The following ADAMTS10 variants were observed in gnomAD, a reference collection of about 807,000 sequenced individuals.
The protein encoded by ADAMTS10 is A disintegrin and metalloproteinase with thrombospondin motifs 10.
In ADAMTS10, 48 loss-of-function variants were observed where a neutral mutation model predicts 135.9. The ratio of observed to expected loss-of-function variants is 0.35; its 90% CI spans 0.28 to 0.45. ADAMTS10 has a LOEUF of 0.45. Among genes scored for constraint, ADAMTS10 ranks in the 20% least tolerant of loss-of-function variants. ADAMTS10 has a pLI of 1.00. For missense variants in ADAMTS10, 1,131 were observed against 1,565.2 expected, an observed-to-expected ratio of 0.72 and a Z score of 4.68; for synonymous variants, 621 against 647.5, an observed-to-expected ratio of 0.96 and a Z score of 0.62.
rs539839735 is a variant in ADAMTS10 at position 8,590,394 on chromosome 19, C to T, written c.1798-403G>A. Reference sequence around the variant, plus strand: ...GTTCAAGCAATTCTTCTGCCTCAGCCTCCCGAGTAGCTGGGATTACAGGTG... The same window carrying T: ...GTTCAAGCAATTCTTCTGCCTCAGCTTCCCGAGTAGCTGGGATTACAGGTG... On this transcript the variant is annotated intron_variant, in intron 15 of 25. Coordinates refer to ENST00000597188, the MANE Select transcript of ADAMTS10 (RefSeq NM_030957.4). 6.6e-5 allele frequency among the ~76,000 whole-genome samples: 10 copies of T among 152,296 alleles called. No individual in the cohort carries two copies. In the East Asian group the frequency reaches 1.3e-3, roughly 21 times the overall value.
Position 8,601,022 on chromosome 19 carries a change from C to G in ADAMTS10, c.716G>C (p.Arg239Pro). The G allele has an allele frequency of 6.2e-7, 1 of 1,614,162 alleles. No individual in the cohort carries two copies. The highest frequency in any genetic ancestry group is 8.5e-7 in the Non-Finnish European group (1 of 1,180,044). ...PGLKRSVSRE[R>P]YVETLVVADK... Reference sequence around the variant, plus strand: ...AGCCACCACCAGGGTCTCCACGTAGCGCTCTCGGCTGACCGATCGCTTCAG... The same window carrying G: ...AGCCACCACCAGGGTCTCCACGTAGGGCTCTCGGCTGACCGATCGCTTCAG... The change falls in exon 6 of 26, where the codon CGC becomes CCC. Residue 239 changes from arginine (R) to proline (P), a missense_variant. This residue lies in a region of ADAMTS10 where 306 missense variants were observed against 344.4 expected (regional missense o/e 0.89). Coordinates refer to ENST00000597188, the MANE Select transcript of ADAMTS10 (RefSeq NM_030957.4). This position sits in a 1 kb window ranked among gnomAD's most constrained non-coding sequence, Gnocchi z 4.6.
rs552732352 is a variant in ADAMTS10 at position 8,585,321 on chromosome 19, G to A, written c.2866-13C>T. 14 of 1,532,748 alleles carry A rather than the reference G, an allele frequency of 9.1e-6. No individual in the cohort carries two copies. Among genetic ancestry groups the A allele is most frequent in the African/African-American group, 5.4e-5 (4 of 73,550 alleles). 94.9% of individuals were successfully genotyped at this position (1,532,748 alleles called of 1,614,324 possible). A position where few individuals can be genotyped will look rare whatever the true frequency, so the allele number is the denominator to read the frequency against. The stretch of plus-strand genomic sequence containing the variant: ...AGCTGGGGGTGCACTGCAGTTGGAA[G>A]GGGCGTTTCGTGCTCAGGGTGCTGC... On this transcript the variant is annotated splice_polypyrimidine_tract_variant and intron_variant, in intron 23 of 25. Transcript: ENST00000597188.
Position 8,591,955 on chromosome 19 carries a change from G to A in ADAMTS10, c.1733+3C>T. ...CTCCCGGGTGGGGGTCCTGAGGGCT[G>A]ACCTGGGGCTGTCGCAGTGACGGCT... On this transcript the variant is annotated splice_donor_region_variant and intron_variant, in intron 14 of 25. Transcript: ENST00000597188. 1 of 1,613,040 alleles carries A rather than the reference G, an allele frequency of 6.2e-7. No individual in the cohort carries two copies. Among genetic ancestry groups the A allele is most frequent in the South Asian group, 1.1e-5 (1 of 91,048 alleles).
At chr19:8,583,122 C>T (rs1361308308) in intron 25 of ADAMTS10, among the ~76,000 whole-genome samples, 2 of 152,094 alleles carry the variant, frequency 1.3e-5, no homozygotes, top group Non-Finnish European at 2.9e-5. Context: ...TCTGGGGCAC[C>T]CCTCAAGTGA....
chr19:8,595,698 T>TACCGAC, intron 12 of ADAMTS10, 64 bp downstream of exon 12: 1 of 1,291,948 alleles, frequency 7.7e-7, no homozygotes, highest in Non-Finnish European at 1.1e-6. Flanking sequence ...CTGGTGGAGT[T>TACCGAC]CCCTCCCCCA....
At chr19:8,597,199 G>T (rs782509359) in intron 7 of ADAMTS10, 35 bp downstream of exon 7, 5 of 1,614,036 alleles carry the variant, frequency 3.1e-6, no homozygotes, top group Non-Finnish European at 3.4e-6. Flanking sequence ...ATGCTGGTAT[G>T]AAGGGGAAGG....
At chr19:8,581,765 G>A (rs1299357195) in intron 25 of ADAMTS10, among the ~76,000 whole-genome samples, 2 of 151,666 alleles carry the variant, frequency 1.3e-5, no homozygotes, top group African/African-American at 4.8e-5. Context: ...AACCCGGGAG[G>A]CAGAGGTTTC....
intron 1 of ADAMTS10, 165 bp from the exon 2 acceptor site, chr19:8,608,413 A>C (rs962671176): frequency 2.0e-5 from 3 of 152,008 alleles, no homozygotes; most frequent in African/African-American, 7.3e-5. Context: ...CCTCCAACAA[A>C]AACCCACCTC....
At chr19:8,595,346 G>A (rs2042589951) in intron 12 of ADAMTS10, among the ~76,000 whole-genome samples, 1 of 152,176 alleles carries the variant, frequency 6.6e-6, no homozygotes, top group Non-Finnish European at 1.5e-5. Flanking sequence ...GGAAGGTTCT[G>A]TCTAGTTCTT....
In ADAMTS10 at chr19:8,604,447, AATTATAT is replaced by A. The variant is rs1445726838; in HGVS notation, c.435+558_435+564del. Among the ~76,000 whole-genome samples, 4 of 147,712 alleles carry A rather than the reference AATTATAT, an allele frequency of 2.7e-5. No homozygotes were observed. The East Asian group carries it at 7.8e-4, about 29-fold the overall frequency. ...TGTATACATACACATACACATATAT[AATTATAT>A]ATTATATATATTTATAAATATAAAA... On this transcript the variant is annotated intron_variant, in intron 4 of 25. Transcript: ENST00000597188.
At chr19:8,590,242 G>T (rs1277293804) in intron 15 of ADAMTS10, among the ~76,000 whole-genome samples, 4 of 152,000 alleles carry the variant, frequency 2.6e-5, no homozygotes, top group Non-Finnish European at 5.9e-5. Flanking sequence ...CTGGGTTTCT[G>T]GTTCCAGGCT....
At chr19:8,581,362 AGT>A in intron 25 of ADAMTS10, 1 of 166,374 alleles carries the variant, frequency 6.0e-6, no homozygotes, top group Non-Finnish European at 1.3e-5. Context: ...TAAGAGAGAG[AGT>A]GTAGGGTTGG....
At chr19:8,591,681 C>T in intron 15 of ADAMTS10, 119 bp downstream of exon 15, 1 of 1,201,676 alleles carries the variant, frequency 8.3e-7, no homozygotes, top group Non-Finnish European at 1.2e-6. Flanking sequence ...ACCTCGTGAT[C>T]CGCCTGCCTT....
Position 8,586,107 on chromosome 19 carries a change from C to T in ADAMTS10, c.2660+15G>A. 1 of 1,612,656 alleles carries T rather than the reference C, an allele frequency of 6.2e-7. No homozygotes were observed. Among genetic ancestry groups the T allele is most frequent in the Non-Finnish European group, 8.5e-7 (1 of 1,179,954 alleles). On this transcript the variant is annotated intron_variant, in intron 22 of 25. Transcript: ENST00000597188. ...CCTCTCACCCTGAGCAACACTGCCCCCTGGCGGCACTCACTCTGGAGGGCA... is the reference window on the plus strand; with the variant it reads ...CCTCTCACCCTGAGCAACACTGCCCTCTGGCGGCACTCACTCTGGAGGGCA...
chr19:8,583,968 C>A (rs2042387860), intron 25 of ADAMTS10, among the ~76,000 whole-genome samples: 1 of 151,668 alleles, frequency 6.6e-6, no homozygotes, highest in Non-Finnish European at 1.5e-5. Flanking sequence ...ACCAGCCTGG[C>A]CAACATGGTG....
chr19:8,600,858 C>T (rs2042662267), intron 6 of ADAMTS10, 70 bp downstream of exon 6: 2 of 1,581,912 alleles, frequency 1.3e-6, no homozygotes, highest in Non-Finnish European at 1.7e-6. Context: ...GGTAGCCACC[C>T]CCTTGCCTAA....
chr19:8,592,419 C>A (rs2042547650), intron 13 of ADAMTS10, among the ~76,000 whole-genome samples: 1 of 151,928 alleles, frequency 6.6e-6, no homozygotes, highest in Non-Finnish European at 1.5e-5. Flanking sequence ...GTAGGCGTGG[C>A]CAGAGCCGAG....
chr19:8,588,473 TC>T (rs1555737871), intron 18 of ADAMTS10, among the ~76,000 whole-genome samples: 2 of 151,972 alleles, frequency 1.3e-5, no homozygotes, highest in African/African-American at 2.4e-5. Context: ...TGCAACCTAC[TC>T]CTGCCTCACC....
chr19:8,585,359 T>C, intron 23 of ADAMTS10, 51 bp from the exon 24 acceptor site: 10 of 1,533,768 alleles, frequency 6.5e-6, no homozygotes, highest in Non-Finnish European at 7.9e-6. Context: ...CAGTGCGAAG[T>C]GAGGAGGGGA....
Sources: allele counts gnomAD v4.1 joint callset (sites outside exome capture counted in the v4.1 genomes callset), GRCh38; gene constraint gnomAD v4.1.1; regional missense constraint gnomAD v4.1.1; non-coding constraint Gnocchi (gnomAD v3.1); transcripts MANE v1.5; gene names NCBI Gene and HGNC (gene_info 2026-07-23, HGNC 2026-07-21).